Variants in FCRL5 observed in about 807,000 individuals in gnomAD.
The protein encoded by FCRL5 is Fc receptor like 5, also known as Fc receptor-like protein 5.
Under a neutral mutation model 92.1 loss-of-function variants are expected in FCRL5, and 79 were observed. The observed-to-expected ratio is 0.86, with a 90% CI of 0.72 to 1.03. FCRL5 has a LOEUF of 1.03. Ranked by LOEUF, FCRL5 falls within the 50% of genes least tolerant of loss-of-function variation. The pLI, the probability that FCRL5 is intolerant of heterozygous loss-of-function variation, is 0.00. For missense variants in FCRL5, 1,160 were observed against 1,181.1 expected (o/e 0.98, Z 0.26); for synonymous variants, 466 against 469.3 (o/e 0.99, Z 0.09).
chr1:157,527,755 C>G lies in FCRL5; in HGVS notation c.1822G>C (p.Gly608Arg). ...CCTCCAGAGGGGGCTGAGCTGCTCC[C>G]CAGGGTGACATCCTCATGATAAAAC... ...YWFYHEDVTL[G>R]SSSAPSGGEA... Residue 608 changes from glycine to arginine, a missense_variant, in exon 9 of 17, where the codon GGG becomes CGG. Physicochemically the swap from Gly to Arg is moderately radical, Grantham distance 125 (BLOSUM62 -2). Coordinates refer to ENST00000361835, the MANE Select transcript of FCRL5 (RefSeq NM_031281.3). 6.2e-7 allele frequency: 1 copy of G among 1,614,120 alleles called. No homozygotes were observed. Among genetic ancestry groups the G allele is most frequent in the Non-Finnish European group, 8.5e-7 (1 of 1,180,024 alleles).
chr1:157,520,535 T>C lies in FCRL5; in HGVS notation c.2528A>G (p.Asn843Ser). The C allele has an allele frequency of 6.3e-7, 1 of 1,584,044 alleles. No homozygotes were observed. Among genetic ancestry groups the C allele is most frequent in the Non-Finnish European group, 8.6e-7 (1 of 1,165,292 alleles). ...VTLYITGLTA[N>S]RSGPFATGVA... ...TCCTGTGGCAAAAGGGCCACTTCTG[T>C]TCGCGGTCAGCCCTGAGGGGGAGAC... is the stretch of plus-strand genomic sequence containing the variant. Residue 843 changes from asparagine (N) to serine (S), a missense_variant, in exon 12 of 17, where the codon AAC (asparagine) becomes AGC (serine). Transcript: ENST00000361835.
intron 3 of FCRL5, among the ~76,000 whole-genome samples, chr1:157,545,595 C>G (rs560859142): frequency 8.1e-6 from 1 of 123,492 alleles, no homozygotes; most frequent in African/African-American, 3.2e-5. Context: ...GTGGTGCTAT[C>G]TCGGCTCACT....
At chr1:157,544,587 G>C (rs2101642486) in intron 4 of FCRL5, 41 bp from the exon 5 acceptor site, 1 of 1,599,112 alleles carries the variant, frequency 6.3e-7, no homozygotes, top group South Asian at 1.1e-5. Flanking sequence ...CAATGAGGCT[G>C]GAACTGCTTT....
Position 157,520,470 on chromosome 1 carries a change from C to G in FCRL5, c.2593G>C (p.Gly865Arg). The G allele has an allele frequency of 1.9e-6, 3 of 1,574,096 alleles. No homozygotes were observed. The highest frequency in any genetic ancestry group is 2.6e-6 in the Non-Finnish European group (3 of 1,159,306). ...AGCCAGCAGTAGAGCAGCAGTGCCC[C>G]CGCAGCAAGGCCTGCTATGCTGAGC... ...GLLSIAGLAA[G>R]ALLLYCWLSR... Residue 865 changes from glycine to arginine, a missense_variant, in exon 12 of 17, where the codon GGG (glycine) becomes CGG (arginine). By Grantham distance (125) the Gly-to-Arg change is moderately radical. Coordinates refer to ENST00000361835, the MANE Select transcript of FCRL5 (RefSeq NM_031281.3).
At position 157,521,276 on chromosome 1, in the gene FCRL5, C is replaced by A; in HGVS notation, c.2256G>T (p.Pro752=). 1 of 1,609,078 alleles carries A rather than the reference C, an allele frequency of 6.2e-7. No homozygotes were observed. The change falls in exon 11 of 17, where the codon CCG becomes CCT. Residue 752 remains proline, a synonymous_variant. Coordinates refer to ENST00000361835, the MANE Select transcript of FCRL5 (RefSeq NM_031281.3). Reference sequence around the variant, plus strand: ...TCCCGGGAGCCCTGAGGGTGAGGACCGGGCGAGACACCGGAACTGAAAGAG... The same window carrying A: ...TCCCGGGAGCCCTGAGGGTGAGGACAGGGCGAGACACCGGAACTGAAAGAG... ...TLKVAVPVSR[P]VLTLRAPGTH...
intron 10 of FCRL5, chr1:157,521,534 G>T: frequency 2.5e-6 from 1 of 399,266 alleles, no homozygotes; most frequent in Non-Finnish European, 4.4e-6. Flanking sequence ...TATATACAGA[G>T]ATTCTCATCT....
chr1:157,529,353 T>C (rs889635092), intron 8 of FCRL5, among the ~76,000 whole-genome samples: 3 of 152,228 alleles, frequency 2.0e-5, no homozygotes, highest in Non-Finnish European at 2.9e-5. Context: ...CTGGTGGGAA[T>C]GTAAACTATT....
rs574521250 is a variant in FCRL5, at chr1:157,537,837, T to A, written c.1402+1249A>T. 2.0e-5 allele frequency among the ~76,000 whole-genome samples: 3 copies of A among 152,332 alleles called. No individual in the cohort carries two copies. In the East Asian group the frequency reaches 5.8e-4, roughly 29 times the overall value. ...GGGGTGAATTTCCCCCGATATCATC[T>A]CAAATTCCAAGAATTGTTTTCTCAC... On this transcript the variant is annotated intron_variant, in intron 7 of 16. Coordinates refer to ENST00000361835, the MANE Select transcript of FCRL5 (RefSeq NM_031281.3).
Position 157,524,575 on chromosome 1 carries a change from T to G in FCRL5, c.1961-18A>C, listed in dbSNP as rs1558129440. 7 of 1,561,912 alleles carry G rather than the reference T, an allele frequency of 4.5e-6. No individual in the cohort carries two copies. Among genetic ancestry groups the G allele is most frequent in the Non-Finnish European group, 6.1e-6 (7 of 1,154,122 alleles). ...TACTGGAACTGAGGGAGGAAAAACG[T>G]TATGTATCAGCTGCTTCTGCTAAAA... On this transcript the variant is annotated intron_variant, in intron 9 of 16. Coordinates refer to ENST00000361835, the MANE Select transcript of FCRL5 (RefSeq NM_031281.3).
rs763586894 is a variant in FCRL5, at chr1:157,515,562, G to A, written c.*113C>T. The A allele has an allele frequency of 4.4e-6, 7 of 1,608,396 alleles. No homozygotes were observed. In the Admixed American group the frequency reaches 6.7e-5, roughly 15 times the overall value. ...GAGAATGAGGACATGTGAAACAAAG[G>A]CCAGTAGATATGGTCTGGGGCAGCC... On this transcript the variant is annotated 3_prime_UTR_variant, in exon 17 of 17. Coordinates refer to ENST00000361835, the MANE Select transcript of FCRL5 (RefSeq NM_031281.3).
intron 10 of FCRL5, 121 bp downstream of exon 10, chr1:157,524,158 G>A: frequency 2.0e-6 from 2 of 999,748 alleles, no homozygotes; most frequent in Admixed American, 5.1e-5. Context: ...CAGGCAGGAA[G>A]TGTGCTGGGA....
rs771555160 is a variant in FCRL5, at chr1:157,527,713, G to T, written c.1864C>A (p.Leu622Ile). The change falls in exon 9 of 17, where the codon CTC (leucine) becomes ATC (isoleucine). Residue 622 changes from leucine (L) to isoleucine (I), a missense_variant. Physicochemically the swap from Leu to Ile is conservative, Grantham distance 5 (BLOSUM62 2). Transcript: ENST00000361835. ...APSGGEASFNLSLTAEHSGNY... is the reference protein window; with the variant it reads ...APSGGEASFNISLTAEHSGNY... ...CCAGAATGTTCTGCAGTCAGAGAGA[G>T]GTTGAAAGAAGCTTCTCCTCCAGAG... is the stretch of plus-strand genomic sequence containing the variant. 4 of 1,614,214 alleles carry T rather than the reference G, an allele frequency of 2.5e-6. No homozygotes were observed. The highest frequency in any genetic ancestry group is 2.5e-6 in the Non-Finnish European group (3 of 1,180,026).
At chr1:157,518,290 G>A (rs1189821314) in intron 15 of FCRL5, 139 bp downstream of exon 15, 8 of 687,596 alleles carry the variant, frequency 1.2e-5, no homozygotes, top group African/African-American at 8.9e-5. Context: ...AGCAGCATAG[G>A]CACACATAAA....
intron 2 of FCRL5, among the ~76,000 whole-genome samples, chr1:157,548,246 T>C (rs555676145): frequency 3.3e-5 from 5 of 152,330 alleles, no homozygotes; most frequent in African/African-American, 4.8e-5. Flanking sequence ...CCTTGGACGA[T>C]GCCAAAAAAC....
Position 157,524,523 on chromosome 1 carries a change from A to G in FCRL5, c.1995T>C (p.Ala665=). 1 of 1,613,066 alleles carries G rather than the reference A, an allele frequency of 6.2e-7. No homozygotes were observed. The highest frequency in any genetic ancestry group is 2.2e-5 in the East Asian group (1 of 44,870). The change falls in exon 10 of 17, where the codon GCT becomes GCC. Residue 665 remains alanine, a synonymous_variant. Coordinates refer to ENST00000361835, the MANE Select transcript of FCRL5 (RefSeq NM_031281.3). ...CCCCCACCACAGCCTGGGCCCTGGG[A>G]GCCCTGAAGGTGAGGATGGGACGAG... ...PVSRPILTFR[A]PRAQAVVGDL... is the part of the protein sequence containing the mutation.
At chr1:157,518,096 T>G (rs369721159) in intron 15 of FCRL5, among the ~76,000 whole-genome samples, 31 of 152,362 alleles carry the variant, frequency 2.0e-4, no homozygotes, top group African/African-American at 5.8e-4. Flanking sequence ...TTTATGGTAC[T>G]CTGTTACAGG....
At chr1:157,519,972 GTCCACAATC>G (rs1182293963) in intron 12 of FCRL5, among the ~76,000 whole-genome samples, 1 of 152,140 alleles carries the variant, frequency 6.6e-6, no homozygotes, top group Non-Finnish European at 1.5e-5. Context: ...TGAAACGGGA[GTCCACAATC>G]CGTAATCCTT....
chr1:157,524,303 C>T lies in FCRL5; in HGVS notation c.2215G>A (p.Glu739Lys), dbSNP rs1217530344. ...CCTGCAACTTTCAGTGTCACCATCT[C>T]ACTGCGCTGGGCCTCCAGACCATTG... The part of the protein sequence containing the change: ...ADNGLEAQRS[E>K]MVTLKVAVPV... The change falls in exon 10 of 17, where the codon GAG (glutamate) becomes AAG (lysine). Residue 739 changes from glutamate (E) to lysine (K), a missense_variant. By Grantham distance (56) the Glu-to-Lys change is moderately conservative (BLOSUM62 1). Coordinates refer to ENST00000361835, the MANE Select transcript of FCRL5 (RefSeq NM_031281.3). 32 of 1,614,170 alleles carry T rather than the reference C, an allele frequency of 2.0e-5. No individual in the cohort carries two copies. Among genetic ancestry groups the T allele is most frequent in the Non-Finnish European group, 2.5e-5 (29 of 1,180,060 alleles).
At chr1:157,532,596 G>T (rs548343409) in intron 8 of FCRL5, 3 of 151,894 alleles carry the variant, frequency 2.0e-5, no homozygotes, top group African/African-American at 7.2e-5. Context: ...TCTATTCTGT[G>T]ACCATAATTC....
Sources: gnomAD v4.1 joint callset for allele counts (sites outside exome capture counted in the v4.1 genomes callset) on GRCh38, gnomAD v4.1.1 for gene constraint, MANE v1.5 for transcripts, NCBI Gene and HGNC (gene_info 2026-07-23, HGNC 2026-07-21) for gene names.